FHDC1: variants seen among roughly 807,000 people sequenced by gnomAD.
The protein encoded by FHDC1 is FH2 domain containing 1.
In FHDC1, 25 loss-of-function variants were observed where a neutral mutation model predicts 52.6. The observed-to-expected ratio is 0.48, with a 90% CI of 0.35 to 0.66. The LOEUF (loss-of-function observed/expected upper bound fraction) is 0.66. FHDC1 is among the 30% of genes least tolerant of loss of function. FHDC1 has a pLI of 0.01. For missense variants in FHDC1, 1,459 were observed against 1,452.8 expected, an observed-to-expected ratio of 1.00 and a Z score of -0.07; for synonymous variants, 616 against 581.5, an observed-to-expected ratio of 1.06 and a Z score of -0.85.
intron 2 of FHDC1, among the ~76,000 whole-genome samples, chr4:152,949,626 A>G (rs576260119): frequency 6.6e-6 from 1 of 152,252 alleles, no homozygotes; most frequent in Non-Finnish European, 1.5e-5. Flanking sequence ...CAAAAGTTGT[A>G]GTAGAATAAA....
chr4:152,972,645 G>A (rs1740674289), intron 11 of FHDC1, 104 bp downstream of exon 11: 17 of 1,324,722 alleles, frequency 1.3e-5, no homozygotes, highest in South Asian at 3.0e-5. Context: ...GCATCTCCAC[G>A]GTTTCGGGGA....
At chr4:152,926,303 C>T in the FHDC1 span, among the ~76,000 whole-genome samples, 13 of 141,166 alleles carry the variant, frequency 9.2e-5, no homozygotes, top group East Asian at 6.4e-4. Flanking sequence ...CACACACACA[C>T]AAACAATACA....
intron 1 of FHDC1, among the ~76,000 whole-genome samples, chr4:152,937,792 G>T (rs994771949): frequency 6.6e-6 from 1 of 152,112 alleles, no homozygotes. Flanking sequence ...CGCGCGGCCC[G>T]TGGGCCGCCC....
At chr4:152,972,662 G>A in intron 11 of FHDC1, 121 bp downstream of exon 11, 1 of 1,188,990 alleles carries the variant, frequency 8.4e-7, no homozygotes, top group South Asian at 1.6e-5. Context: ...GGGACATCTG[G>A]CCCAGGTGGT....
chr4:152,937,327 C>A (rs926438283), intron 1 of FHDC1, among the ~76,000 whole-genome samples: 1 of 152,118 alleles, frequency 6.6e-6, no homozygotes, highest in Non-Finnish European at 1.5e-5. Context: ...CCGGAAGACC[C>A]CCCCTTTCGT....
chr4:152,972,219 T>G (rs968126967), intron 10 of FHDC1, among the ~76,000 whole-genome samples, 158 bp from the exon 11 acceptor site: 1 of 152,178 alleles, frequency 6.6e-6, no homozygotes, highest in African/African-American at 2.4e-5. Flanking sequence ...ATTATTTTCC[T>G]TTTGGCTCTG....
intron 2 of FHDC1, among the ~76,000 whole-genome samples, chr4:152,945,581 T>A (rs1739704882): frequency 6.6e-6 from 1 of 152,114 alleles, no homozygotes. Flanking sequence ...CTTAGCCTCC[T>A]GAGTAGCTGG....
chr4:152,913,782 G>A, the FHDC1 span, among the ~76,000 whole-genome samples: 4 of 152,242 alleles, frequency 2.6e-5, no homozygotes, highest in Admixed American at 1.3e-4. Flanking sequence ...GGGTTCAAGC[G>A]ATGCTTCTGC....
chr4:152,953,003 A>G (rs764967414), intron 2 of FHDC1, among the ~76,000 whole-genome samples: 3 of 152,070 alleles, frequency 2.0e-5, no homozygotes, highest in Non-Finnish European at 2.9e-5. Context: ...ATAGTGGTGC[A>G]TGCCTGTAGT....
chr4:152,968,112 C>T lies in FHDC1; in HGVS notation c.1218+15C>T. 1.9e-6 allele frequency: 3 copies of T among 1,590,702 alleles called. No homozygotes were observed. The highest frequency in any genetic ancestry group is 1.1e-5 in the South Asian group (1 of 89,810). On this transcript the variant is annotated intron_variant, in intron 10 of 11. Transcript: ENST00000511601. ...ATTTTCTTCAGGTTTGTAGGTGACT[C>T]AAGTCAGTCCCTCTAATCTCATCTC... is the stretch of plus-strand genomic sequence containing the variant.
In FHDC1 at chr4:152,963,059, T is replaced by C. The variant is rs749498428; in HGVS notation, c.958T>C (p.Ser320Pro). Residue 320 changes from serine (S) to proline (P), a missense_variant, in exon 8 of 12, where the codon TCT becomes CCT. Physicochemically the swap from Ser to Pro is moderately conservative, Grantham distance 74. Coordinates refer to ENST00000511601, the MANE Select transcript of FHDC1 (RefSeq NM_001371116.1). Reference protein sequence around the residue: ...YAGNAVGFKLSSLLKLADTKA... With the variant: ...YAGNAVGFKLPSLLKLADTKA... ...CGGCAATGCAGTAGGATTTAAACTG[T>C]CTTCTTTGCTCAAATTGGCAGACAC... The C allele has an allele frequency of 6.2e-7, 1 of 1,614,006 alleles. No individual in the cohort carries two copies. Among genetic ancestry groups the C allele is most frequent in the Non-Finnish European group, 8.5e-7 (1 of 1,180,002 alleles).
intron 10 of FHDC1, among the ~76,000 whole-genome samples, chr4:152,969,665 G>GTT (rs535683350): frequency 7.0e-4 from 91 of 129,544 alleles, no homozygotes; most frequent in African/African-American, 2.2e-3. Flanking sequence ...TCTGGCAGTC[G>GTT]TTTTTTTTTT....
At chr4:152,943,743 T>C (rs1025226149) in intron 2 of FHDC1, among the ~76,000 whole-genome samples, 188 bp downstream of exon 2, 2 of 152,146 alleles carry the variant, frequency 1.3e-5, no homozygotes, top group African/African-American at 4.8e-5. Flanking sequence ...GCGTAAGAAG[T>C]ATGCGTGCTG....
At chr4:152,935,093 T>A (rs1230093813), upstream of FHDC1, among the ~76,000 whole-genome samples, 1 of 152,224 alleles carries the variant, frequency 6.6e-6, no homozygotes. Flanking sequence ...TGGATCCATT[T>A]CTCTTCATGC....
At position 152,974,875 on chromosome 4, in the gene FHDC1, C is replaced by T; in HGVS notation, c.1584C>T (p.Ser528=). The T allele has an allele frequency of 6.2e-7, 1 of 1,607,462 alleles. No homozygotes were observed. Among genetic ancestry groups the T allele is most frequent in the Non-Finnish European group, 8.5e-7 (1 of 1,177,524 alleles). The part of the protein sequence containing the change: ...FLHPRPISPS[S]PSYRPPNTRR... ...ACCCCAGGCCCATCAGCCCCTCCAG[C>T]CCCTCCTACCGGCCCCCGAACACCC... The change falls in exon 12 of 12, where the codon AGC becomes AGT. Residue 528 remains serine, a synonymous_variant. Transcript: ENST00000511601.
At chr4:152,947,305 C>T (rs1561204029) in intron 2 of FHDC1, among the ~76,000 whole-genome samples, 1 of 151,480 alleles carries the variant, frequency 6.6e-6, no homozygotes. Context: ...AAAATTAACT[C>T]AAAGAGACTG....
At chr4:152,973,265 C>T (rs551259708) in intron 11 of FHDC1, among the ~76,000 whole-genome samples, 9 of 152,202 alleles carry the variant, frequency 5.9e-5, no homozygotes, top group Non-Finnish European at 1.2e-4. Context: ...AAGCAAAGCT[C>T]GTGAGTCATC....
chr4:152,919,520 A>G, the FHDC1 span, among the ~76,000 whole-genome samples: 13 of 152,234 alleles, frequency 8.5e-5, no homozygotes, highest in South Asian at 4.1e-4. Flanking sequence ...TAAATCTCAC[A>G]TAAATCTTAA....
chr4:152,960,697 T>A, intron 5 of FHDC1, 47 bp downstream of exon 5: 1 of 1,612,082 alleles, frequency 6.2e-7, no homozygotes, highest in South Asian at 1.1e-5. Flanking sequence ...GTAAGATTTT[T>A]AAACTAATGA....
Sources: allele counts gnomAD v4.1 joint callset (sites outside exome capture counted in the v4.1 genomes callset), GRCh38; gene constraint gnomAD v4.1.1; transcripts MANE v1.5; gene names NCBI Gene and HGNC (gene_info 2026-07-23, HGNC 2026-07-21).